The following ZMYM2 variants were observed in gnomAD, a reference collection of about 807,000 sequenced individuals.
ZMYM2 encodes the protein zinc finger MYM-type protein 2.
ZMYM2 carries 56 observed loss-of-function variants against 162.8 expected under a neutral mutation model. That is an observed-to-expected ratio of 0.34 (90% CI 0.28 to 0.43). The LOEUF (loss-of-function observed/expected upper bound fraction) is 0.43, where lower values mean the gene tolerates loss of function less well. Ranked by LOEUF, ZMYM2 falls within the 20% of genes least tolerant of loss-of-function variation. ZMYM2 has a pLI of 1.00. For synonymous variants in ZMYM2, 510 were observed against 541.6 expected (o/e 0.94, Z 0.81); for missense variants, 1,275 against 1,621.8 (o/e 0.79, Z 3.67).
chr13:20,063,949 A>AAT (rs1205012789), intron 18 of ZMYM2, among the ~76,000 whole-genome samples: 1 of 145,562 alleles, frequency 6.9e-6, no homozygotes, highest in Admixed American at 7.0e-5. Context: ...TTATATATAT[A>AAT]ATATATATAG....
chr13:20,014,474 A>T (rs1449336329), intron 6 of ZMYM2, among the ~76,000 whole-genome samples: 1 of 152,036 alleles, frequency 6.6e-6, no homozygotes, highest in Non-Finnish European at 1.5e-5. Flanking sequence ...GAATTTGTGC[A>T]TTTCATCTAG....
intron 6 of ZMYM2, among the ~76,000 whole-genome samples, chr13:20,014,899 G>T (rs1440921455): frequency 2.0e-5 from 3 of 151,280 alleles, no homozygotes; most frequent in Non-Finnish European, 4.4e-5. Flanking sequence ...TGAGTAGCCG[G>T]GATTACAGGC....
rs903229528 is a variant in ZMYM2 at position 20,034,376 on chromosome 13, T to C, written c.2091T>C (p.Ser697=). The change falls in exon 11 of 25, where the codon TCT becomes TCC. Residue 697 remains serine, a synonymous_variant. Coordinates refer to ENST00000610343, the MANE Select transcript of ZMYM2 (RefSeq NM_197968.4). ...EKTLHETVNF[S]GVKRPFCSEG... is the part of the protein sequence containing the mutation. ...CTCTTCATGAAACAGTAAATTTCTC[T>C]GGCGTTAAGAGACCTTTCTGTAGTG... 1.2e-5 allele frequency: 19 copies of C among 1,603,886 alleles called. No individual in the cohort carries two copies. Among genetic ancestry groups the C allele is most frequent in the Non-Finnish European group, 1.5e-5 (18 of 1,176,338 alleles).
chr13:20,077,847 C>CTTT (rs11427276), intron 21 of ZMYM2, among the ~76,000 whole-genome samples: 1 of 143,794 alleles, frequency 7.0e-6, no homozygotes. Flanking sequence ...AAGTTTTTTT[C>CTTT]TTTTTTTTTT....
the ZMYM2 span, among the ~76,000 whole-genome samples, chr13:19,894,489 G>A: frequency 1.3e-5 from 2 of 151,746 alleles, no homozygotes; most frequent in Non-Finnish European, 2.9e-5. Flanking sequence ...GGAATTACAG[G>A]TGCCTGCCAC....
chr13:20,066,712 C>T (rs1956708097), intron 19 of ZMYM2, 139 bp from the exon 20 acceptor site: 1 of 726,384 alleles, frequency 1.4e-6, no homozygotes. Flanking sequence ...ACATACGTGT[C>T]CAAGTGGACC....
intron 2 of ZMYM2, among the ~76,000 whole-genome samples, chr13:19,980,252 C>G (rs931823957): frequency 1.3e-5 from 2 of 151,926 alleles, no homozygotes; most frequent in African/African-American, 4.8e-5. Flanking sequence ...TTCTCAGTTG[C>G]TTCCCAGTTG....
chr13:20,073,944 C>T (rs1488605241), intron 21 of ZMYM2, among the ~76,000 whole-genome samples: 1 of 152,086 alleles, frequency 6.6e-6, no homozygotes, highest in Non-Finnish European at 1.5e-5. Flanking sequence ...GTGCAACCAG[C>T]ATCACCATCT....
intron 6 of ZMYM2, among the ~76,000 whole-genome samples, chr13:20,009,645 A>T (rs1390348598): frequency 6.6e-6 from 1 of 152,212 alleles, no homozygotes; most frequent in Non-Finnish European, 1.5e-5. Context: ...CATGTAAGTG[A>T]AATTATATAA....
the ZMYM2 span, among the ~76,000 whole-genome samples, chr13:19,906,761 A>C: frequency 6.6e-6 from 1 of 151,954 alleles, no homozygotes; most frequent in Non-Finnish European, 1.5e-5. Flanking sequence ...GGGTCTCACT[A>C]TGTTGCCAAG....
the ZMYM2 span, among the ~76,000 whole-genome samples, chr13:19,937,514 A>G: frequency 1.8e-4 from 26 of 141,626 alleles, no homozygotes; most frequent in Admixed American, 1.9e-3. Context: ...CTCAAGCTTG[A>G]GTGCAGTGGC....
At chr13:20,032,177 G>GT (rs1197304086) in intron 10 of ZMYM2, among the ~76,000 whole-genome samples, 1 of 152,034 alleles carries the variant, frequency 6.6e-6, no homozygotes, top group Admixed American at 6.6e-5. Flanking sequence ...GGCCATAATT[G>GT]TGTTTTAATA....
chr13:20,060,228 T>C (rs900495947), intron 16 of ZMYM2, among the ~76,000 whole-genome samples: 2 of 152,226 alleles, frequency 1.3e-5, no homozygotes, highest in Admixed American at 6.5e-5. Context: ...CATCTTTACC[T>C]TTCTTCGACA....
the ZMYM2 span, among the ~76,000 whole-genome samples, chr13:19,898,512 C>T: frequency 1.3e-5 from 2 of 152,082 alleles, no homozygotes; most frequent in Non-Finnish European, 2.9e-5. Context: ...GGATTACAGG[C>T]GTGAGCCACC....
At chr13:20,037,436 G>A (rs548663837) in intron 12 of ZMYM2, among the ~76,000 whole-genome samples, 20 of 151,902 alleles carry the variant, frequency 1.3e-4, no homozygotes, top group East Asian at 3.9e-4. Context: ...GGTTGGTCTC[G>A]AACTCCTGAC....
chr13:20,087,817 A>G lies in ZMYM2; in HGVS notation c.*1803A>G, dbSNP rs562466114. 33 of 187,452 alleles carry G rather than the reference A, an allele frequency of 1.8e-4. No individual in the cohort carries two copies. Among genetic ancestry groups the G allele is most frequent in the Non-Finnish European group, 3.4e-4 (30 of 88,754 alleles). 11.6% of individuals were successfully genotyped at this position (187,452 alleles called of 1,614,324 possible). On this transcript the variant is annotated 3_prime_UTR_variant, in exon 25 of 25. Transcript: ENST00000610343. The stretch of plus-strand genomic sequence containing the variant: ...GCTGATTGTCTATTTAACGAAGACA[A>G]GTGGGTAACATTTAAAATATATAAT...
chr13:19,901,319 T>G, the ZMYM2 span, among the ~76,000 whole-genome samples: 2 of 152,180 alleles, frequency 1.3e-5, no homozygotes. Flanking sequence ...CAAAGAGATA[T>G]TAGTGCATTC....
chr13:19,870,617 T>C, the ZMYM2 span, among the ~76,000 whole-genome samples: 1 of 147,526 alleles, frequency 6.8e-6, no homozygotes, highest in Non-Finnish European at 1.5e-5. Flanking sequence ...TCTTTCCTTC[T>C]TTTTTGAGAC....
At chr13:19,914,007 A>G in the ZMYM2 span, among the ~76,000 whole-genome samples, 1 of 152,340 alleles carries the variant, frequency 6.6e-6, no homozygotes, top group South Asian at 2.1e-4. Context: ...CAGAATTACC[A>G]GTAGGCAAAA....
Sources: gnomAD v4.1 joint callset for allele counts (sites outside exome capture counted in the v4.1 genomes callset) on GRCh38, gnomAD v4.1.1 for gene constraint, MANE v1.5 for transcripts, NCBI Gene and HGNC (gene_info 2026-07-23, HGNC 2026-07-21) for gene names.